Variants in TTC6 observed in about 807,000 individuals in gnomAD.
TTC6 encodes the protein tetratricopeptide repeat protein 6.
Under a neutral mutation model 210.4 loss-of-function variants are expected in TTC6, and 172 were observed. The observed-to-expected ratio is 0.82, with a 90% CI of 0.72 to 0.93. The LOEUF is 0.93. TTC6 is among the 40% of genes least tolerant of loss of function. The pLI, the probability that TTC6 is intolerant of heterozygous loss-of-function variation, is 0.00. For synonymous variants in TTC6, 804 were observed against 819.6 expected (o/e 0.98, Z 0.32); for missense variants, 2,414 against 2,318.1 (o/e 1.04, Z -0.85).
chr14:37,628,495 T>G (rs917829873), intron 1 of TTC6, among the ~76,000 whole-genome samples: 8 of 152,196 alleles, frequency 5.3e-5, no homozygotes, highest in African/African-American at 1.9e-4. Context: ...CCTTGTAGAT[T>G]CTGGATATTA....
intron 10 of TTC6, 118 bp from the exon 13 acceptor site, chr14:37,748,821 T>A (rs538464370): frequency 2.8e-6 from 2 of 719,198 alleles, no homozygotes. Flanking sequence ...CGCATAAAAT[T>A]AGCATGTAAT....
chr14:37,827,119 A>G (rs2096173622), intron 28 of TTC6, 77 bp from the exon 31 acceptor site: 1 of 1,188,528 alleles, frequency 8.4e-7, no homozygotes, highest in African/African-American at 1.6e-5. Flanking sequence ...AGATTCCCTA[A>G]TGTTCATTTT....
intron 20 of TTC6, chr14:37,802,458 T>C (rs1374123589): frequency 6.6e-6 from 1 of 152,068 alleles, no homozygotes; most frequent in East Asian, 1.9e-4. Flanking sequence ...TGAAGGCTGC[T>C]GACAACATGA....
chr14:37,784,765 G>T (rs1296280146), intron 14 of TTC6, among the ~76,000 whole-genome samples: 1 of 152,136 alleles, frequency 6.6e-6, no homozygotes, highest in East Asian at 1.9e-4. Context: ...GGTACTGGTT[G>T]TTCATATCCA....
chr14:37,743,228 C>T (rs994532199), intron 10 of TTC6, among the ~76,000 whole-genome samples: 5 of 152,212 alleles, frequency 3.3e-5, no homozygotes, highest in Admixed American at 2.6e-4. Flanking sequence ...GGAAGAAATA[C>T]TTACCTTTTG....
intron 4 of TTC6, 49 bp from the exon 7 acceptor site, chr14:37,701,283 A>T: frequency 7.8e-7 from 1 of 1,279,104 alleles, no homozygotes; most frequent in Non-Finnish European, 1.0e-6. Context: ...CTTTATATCT[A>T]AAGTCCACAA....
chr14:37,746,135 T>C (rs1418771200), intron 10 of TTC6, among the ~76,000 whole-genome samples: 1 of 152,216 alleles, frequency 6.6e-6, no homozygotes, highest in Non-Finnish European at 1.5e-5. Flanking sequence ...CTACCATATC[T>C]GTAGTGGTAA....
At chr14:37,810,872 T>C (rs935424838) in intron 24 of TTC6, among the ~76,000 whole-genome samples, 13 of 152,220 alleles carry the variant, frequency 8.5e-5, no homozygotes, top group Admixed American at 6.5e-5. Context: ...TTAGGGCTTA[T>C]TGTGTGACAG....
At chr14:37,732,705 G>GC (rs2095890699) in intron 7 of TTC6, among the ~76,000 whole-genome samples, 1 of 151,380 alleles carries the variant, frequency 6.6e-6, no homozygotes, top group Admixed American at 6.6e-5. Flanking sequence ...TGCAAGCTCC[G>GC]CCTCCTGGGT....
chr14:37,688,614 A>G (rs2095798137), intron 3 of TTC6, among the ~76,000 whole-genome samples: 1 of 152,168 alleles, frequency 6.6e-6, no homozygotes, highest in African/African-American at 2.4e-5. Flanking sequence ...AGAAAGAGAG[A>G]GAGACTTTGT....
intron 10 of TTC6, among the ~76,000 whole-genome samples, chr14:37,744,680 T>G (rs1882495716): frequency 6.6e-6 from 1 of 152,134 alleles, no homozygotes; most frequent in Non-Finnish European, 1.5e-5. Flanking sequence ...GAAATCATTG[T>G]GGACTTGAGA....
intron 5 of TTC6, among the ~76,000 whole-genome samples, chr14:37,702,397 T>C (rs141319662): frequency 1.6e-3 from 245 of 152,230 alleles, no homozygotes; most frequent in African/African-American, 5.3e-3. Context: ...TATATCTGTT[T>C]ATATACTATA....
At chr14:37,709,133 T>C (rs569905037) in intron 5 of TTC6, among the ~76,000 whole-genome samples, 3 of 152,180 alleles carry the variant, frequency 2.0e-5, no homozygotes, top group South Asian at 4.1e-4. Context: ...GGTCTAATCC[T>C]GGCCCCACCC....
chr14:37,604,191 C>CG (rs1468379047), intron 1 of TTC6, among the ~76,000 whole-genome samples: 3 of 152,104 alleles, frequency 2.0e-5, no homozygotes, highest in East Asian at 1.9e-4. Context: ...ACTGGGCTGC[C>CG]GGGGGGCGGA....
chr14:37,811,032 AATG>A (rs1354418325), intron 24 of TTC6, among the ~76,000 whole-genome samples: 1 of 152,208 alleles, frequency 6.6e-6, no homozygotes, highest in African/African-American at 2.4e-5. Flanking sequence ...AGGGGCTAGT[AATG>A]ATAACAGAGG....
In TTC6 at chr14:37,727,291, A is replaced by ATTTTTTTTTTTT. The variant is rs368293440; in HGVS notation, c.1818+2301_1818+2312dup. 1.8e-3 allele frequency among the ~76,000 whole-genome samples: 166 copies of ATTTTTTTTTTTT among 92,224 alleles called. 4 individuals carry two copies. The highest frequency in any genetic ancestry group is 9.1e-3 in the Middle Eastern group (1 of 110). The allele number at this position is 92,224 out of a possible 152,430, so 60.5% of individuals were successfully genotyped here. ...GACATTCTATGTTGGTATTTTTCTA[A>ATTTTTTTTTTTT]TTTTTTTTTTTTTTTTTTTTTTTGA... On this transcript the variant is annotated intron_variant, in intron 7 of 30. Coordinates refer to ENST00000553443, the Ensembl canonical transcript of TTC6.
At chr14:37,739,235 GTT>G in intron 10 of TTC6, 80 bp downstream of exon 12, 2 of 1,317,128 alleles carry the variant, frequency 1.5e-6, no homozygotes, top group Non-Finnish European at 2.0e-6. Flanking sequence ...ACCCCATGAA[GTT>G]ATTATTTTAT....
intron 15 of TTC6, among the ~76,000 whole-genome samples, chr14:37,789,600 A>ATATATATATG (rs1555400197): frequency 2.0e-5 from 3 of 146,644 alleles, no homozygotes; most frequent in Non-Finnish European, 4.5e-5. Context: ...TTCCTCTTAT[A>ATATATATATG]TATATATATA....
At chr14:37,737,354 C>T (rs1172810108) in intron 8 of TTC6, among the ~76,000 whole-genome samples, 2 of 152,118 alleles carry the variant, frequency 1.3e-5, no homozygotes, top group Non-Finnish European at 1.5e-5. Context: ...GTGCCACCTA[C>T]ACCAGCTGGG....
Sources: gnomAD v4.1 joint callset for allele counts (sites outside exome capture counted in the v4.1 genomes callset) on GRCh38, gnomAD v4.1.1 for gene constraint, MANE v1.5 for transcripts, NCBI Gene and HGNC (gene_info 2026-07-23, HGNC 2026-07-21) for gene names.